Variants in SLC2A9 observed in about 807,000 individuals in gnomAD.
SLC2A9 encodes the protein solute carrier family 2 member 9, also known as solute carrier family 2, facilitated glucose transporter member 9.
SLC2A9 carries 39 observed loss-of-function variants against 50.6 expected under a neutral mutation model. That is an observed-to-expected ratio of 0.77 (90% confidence interval 0.60 to 1.01). The LOEUF (loss-of-function observed/expected upper bound fraction) is 1.01. SLC2A9 is among the 50% of genes least tolerant of loss of function. SLC2A9 has a pLI of 0.00. For missense variants in SLC2A9, 686 were observed against 677.6 expected, an observed-to-expected ratio of 1.01 and a Z score of -0.14; for synonymous variants, 324 against 276.9, an observed-to-expected ratio of 1.17 and a Z score of -1.69.
rs142633950 is a variant in SLC2A9 at position 9,832,685 on chromosome 4, T to C, written c.1419+2196A>G. On this transcript the variant is annotated intron_variant, in intron 11 of 11. Transcript: ENST00000264784. ...AAAACAAAGAATTGATTCCAGTTTTTAGAAATACAAAAAATTATCTAGGTT... is the reference window on the plus strand; with the variant it reads ...AAAACAAAGAATTGATTCCAGTTTTCAGAAATACAAAAAATTATCTAGGTT... Among the ~76,000 whole-genome samples the C allele has an allele frequency of 2.9e-3, 444 of 152,296 alleles. 2 individuals carry two copies. Among genetic ancestry groups the C allele is most frequent in the African/African-American group, 0.01 (419 of 41,564 alleles).
intron 3 of SLC2A9, chr4:9,782,484 T>A: frequency 6.2e-7 from 1 of 1,613,956 alleles, no homozygotes; most frequent in Non-Finnish European, 8.5e-7. Flanking sequence ...AAGCGCAAGA[T>A]GACTCAGCGC....
intron 5 of SLC2A9, among the ~76,000 whole-genome samples, chr4:9,964,547 G>C (rs1254987460): frequency 6.6e-6 from 1 of 152,218 alleles, no homozygotes; most frequent in East Asian, 1.9e-4. Context: ...AGAAACGGTA[G>C]GATTTACAGG....
Position 9,879,908 on chromosome 4 carries a change from CTT to C in SLC2A9, c.1291+7657_1291+7658del, listed in dbSNP as rs1331068155. The C allele has an allele frequency of 7.1e-6, 7 of 985,450 alleles. No homozygotes were observed. The East Asian group carries it at 7.9e-4, about 112-fold the overall frequency. 61.0% of individuals were successfully genotyped at this position (985,450 alleles called of 1,614,324 possible). A position where few individuals can be genotyped will look rare whatever the true frequency, so the allele number is the denominator to read the frequency against. ...AAATATGCAGCAGGAAACTGCCTCT[CTT>C]GTTTTCTTTCTTTGCTTTCACCTAA... On this transcript the variant is annotated intron_variant, in intron 10 of 11. Transcript: ENST00000264784.
At chr4:9,948,267 T>C (rs572534758) in intron 5 of SLC2A9, among the ~76,000 whole-genome samples, 4 of 152,302 alleles carry the variant, frequency 2.6e-5, no homozygotes, top group African/African-American at 7.2e-5. Context: ...TGGCTGCCCA[T>C]TGGAATCACT....
intron 2 of SLC2A9, among the ~76,000 whole-genome samples, chr4:10,005,471 T>C (rs1760628932): frequency 1.3e-5 from 2 of 152,374 alleles, no homozygotes; most frequent in Non-Finnish European, 2.9e-5. Flanking sequence ...ACGGAATTGA[T>C]AGCTCTAATT....
chr4:9,963,669 TGAC>T (rs2108951718), intron 5 of SLC2A9, among the ~76,000 whole-genome samples: 1 of 152,212 alleles, frequency 6.6e-6, no homozygotes, highest in South Asian at 2.1e-4. Flanking sequence ...TTTTGCAGGA[TGAC>T]AACAGTCAGG....
rs200554232 is a variant in SLC2A9, at chr4:9,966,053, ATATACT to A, written c.681+14533_681+14538del. ...TTGTTACAGCATCAACAGGAAACAA[ATATACT>A]TATAAGAAATTCTCATCTATTATTT... is the stretch of plus-strand genomic sequence containing the variant. On this transcript the variant is annotated intron_variant, in intron 5 of 11. Transcript: ENST00000264784. 3.9e-5 allele frequency among the ~76,000 whole-genome samples: 6 copies of A among 152,332 alleles called. No homozygotes were observed. In the East Asian group the frequency reaches 1.2e-3, roughly 29 times the overall value.
At chr4:9,835,120 G>GGGCCCACTACAC in intron 10 of SLC2A9, 112 bp from the exon 11 acceptor site, 1 of 1,482,012 alleles carries the variant, frequency 6.7e-7, no homozygotes, top group Non-Finnish European at 9.3e-7. Flanking sequence ...CCCTTGACTG[G>GGGCCCACTACAC]ATGTGTAGTG....
At chr4:10,022,836 G>A (rs1484443387), upstream of SLC2A9, among the ~76,000 whole-genome samples, 1 of 152,214 alleles carries the variant, frequency 6.6e-6, no homozygotes, top group African/African-American at 2.4e-5. Context: ...AAAGCAAGTG[G>A]GGAATCAAGA....
At chr4:9,951,861 G>A (rs954434895) in intron 5 of SLC2A9, among the ~76,000 whole-genome samples, 1 of 152,256 alleles carries the variant, frequency 6.6e-6, no homozygotes, top group Non-Finnish European at 1.5e-5. Context: ...ATTTACAAAA[G>A]ATTCATTTAA....
At chr4:9,901,570 A>G (rs755061580) in intron 8 of SLC2A9, among the ~76,000 whole-genome samples, 9 of 152,230 alleles carry the variant, frequency 5.9e-5, no homozygotes, top group Admixed American at 2.6e-4. Flanking sequence ...GTCCACTAAA[A>G]GCCTTATAGA....
At chr4:9,784,239 C>A (rs1718915001) in intron 3 of SLC2A9, among the ~76,000 whole-genome samples, 2 of 152,112 alleles carry the variant, frequency 1.3e-5, no homozygotes, top group African/African-American at 2.4e-5. Context: ...TGTGCTGAAA[C>A]CTGGCTTCAA....
intron 7 of SLC2A9, among the ~76,000 whole-genome samples, chr4:9,920,142 CTCTG>C: frequency 6.6e-6 from 1 of 152,236 alleles, no homozygotes; most frequent in Non-Finnish European, 1.5e-5. Flanking sequence ...TATAGGATAT[CTCTG>C]TGGCTAGCAG....
At chr4:9,921,918 C>T (rs1297827507) in intron 6 of SLC2A9, among the ~76,000 whole-genome samples, 2 of 152,170 alleles carry the variant, frequency 1.3e-5, no homozygotes, top group East Asian at 1.9e-4. Flanking sequence ...AACTTCATAA[C>T]CTATGTTTTT....
chr4:10,010,134 G>A (rs1761518917), intron 2 of SLC2A9, among the ~76,000 whole-genome samples: 1 of 152,152 alleles, frequency 6.6e-6, no homozygotes. Context: ...GAAGAGAGGA[G>A]GACCAAAGAT....
downstream of SLC2A9, among the ~76,000 whole-genome samples, chr4:9,776,699 A>C (rs1717615343): frequency 6.6e-6 from 1 of 152,138 alleles, no homozygotes; most frequent in South Asian, 2.1e-4. Context: ...GCTCCACCAT[A>C]GCGTTCTGGT....
At position 9,980,419 on chromosome 4, in the gene SLC2A9, T is replaced by C. The variant is rs150593860; in HGVS notation, c.681+173A>G. On this transcript the variant is annotated intron_variant, in intron 5 of 11. Transcript: ENST00000264784. ...TTCAATTTGTTATGTATTCTTTATG[T>C]ACTTAAAAAAAATAAACTCAAAGGA... is the stretch of plus-strand genomic sequence containing the variant. Among the ~76,000 whole-genome samples the C allele has an allele frequency of 2.1e-3, 320 of 152,296 alleles. 3 individuals are homozygous for C. Among genetic ancestry groups the C allele is most frequent in the African/African-American group, 7.1e-3 (297 of 41,556 alleles).
At chr4:9,971,803 A>T (rs946843110) in intron 5 of SLC2A9, among the ~76,000 whole-genome samples, 1 of 152,240 alleles carries the variant, frequency 6.6e-6, no homozygotes, top group Non-Finnish European at 1.5e-5. Context: ...GAAGATTCTC[A>T]TATACAGATG....
chr4:10,020,164 C>T (rs977238758), intron 1 of SLC2A9, among the ~76,000 whole-genome samples: 1 of 151,960 alleles, frequency 6.6e-6, no homozygotes, highest in Non-Finnish European at 1.5e-5. Context: ...CAGTCAAATC[C>T]CGTCTGGAAG....
Sources: gnomAD v4.1 joint callset for allele counts (sites outside exome capture counted in the v4.1 genomes callset) on GRCh38, gnomAD v4.1.1 for gene constraint, MANE v1.5 for transcripts, NCBI Gene and HGNC (gene_info 2026-07-23, HGNC 2026-07-21) for gene names.